KIF19: variants seen among roughly 807,000 people sequenced by gnomAD.
KIF19 encodes kinesin-like protein KIF19.
A neutral mutation model predicts 106.6 loss-of-function variants in KIF19; 98 were observed. The observed-to-expected ratio is 0.92, with a 90% CI of 0.78 to 1.09. The LOEUF is 1.09. KIF19 is among the 50% of genes least tolerant of loss of function. KIF19 has a pLI of 0.00. For missense variants in KIF19, 1,373 were observed against 1,414.3 expected (o/e 0.97, Z 0.47); for synonymous variants, 516 against 584.2 (o/e 0.88, Z 1.68).
intron 6 of KIF19, 145 bp from the exon 7 acceptor site, chr17:74,344,616 C>A (rs958883688): frequency 2.1e-6 from 2 of 935,102 alleles, no homozygotes; most frequent in Non-Finnish European, 3.2e-6. Flanking sequence ...CCAGGCCTCT[C>A]AGCACACGGA....
intron 6 of KIF19, 43 bp from the exon 7 acceptor site, chr17:74,344,718 C>T: frequency 6.3e-7 from 1 of 1,576,352 alleles, no homozygotes; most frequent in Non-Finnish European, 8.7e-7. Flanking sequence ...GCCGGAGCAC[C>T]TACGGCAGTC....
chr17:74,342,735 A>G lies in KIF19; in HGVS notation c.319+18A>G, dbSNP rs2054415439. 6.2e-7 allele frequency: 1 copy of G among 1,607,512 alleles called. No homozygotes were observed. The highest frequency in any genetic ancestry group is 1.3e-5 in the African/African-American group (1 of 74,918). On this transcript the variant is annotated intron_variant, in intron 4 of 19. Coordinates refer to ENST00000389916, the MANE Select transcript of KIF19 (RefSeq NM_153209.4). ...CCCCACAGGTAAGGGGAATGCCCAG[A>G]CTGTGGGCGAGGACCGCAATGCCCC... is the stretch of plus-strand genomic sequence containing the variant.
In KIF19 at chr17:74,331,294, G is replaced by A. The variant is rs2054072243; in HGVS notation, c.120+2789G>A. Among the ~76,000 whole-genome samples, 1 of 152,160 alleles carries A rather than the reference G, an allele frequency of 6.6e-6. No individual in the cohort carries two copies. On this transcript the variant is annotated intron_variant, in intron 2 of 19. Coordinates refer to ENST00000389916, the MANE Select transcript of KIF19 (RefSeq NM_153209.4). This position sits in a 1 kb window ranked among gnomAD's most constrained non-coding sequence, Gnocchi z 4.1. ...GCTCTGTCCTTCCTCCTAAGGCCTG[G>A]AGGCACCATGGACAGGTGGGTGTAT...
In KIF19 at chr17:74,354,696, C is replaced by T. The variant is rs1274806822; in HGVS notation, c.2707-86C>T. The T allele has an allele frequency of 1.8e-5, 28 of 1,523,934 alleles. No homozygotes were observed. The African/African-American group carries it at 2.5e-4, about 13-fold the overall frequency. 94.4% of individuals were successfully genotyped at this position (1,523,934 alleles called of 1,614,324 possible). On this transcript the variant is annotated intron_variant, in intron 18 of 19. Transcript: ENST00000389916. ...GGCACCACCCTCCACAGTCTCTGTC[C>T]CCAGCCTAGCATAGTAGCTGGGACA...
rs992700455 is a variant in KIF19, at chr17:74,353,274, C to T, written c.2193C>T (p.Ile731=). 2 of 1,577,764 alleles carry T rather than the reference C, an allele frequency of 1.3e-6. No individual in the cohort carries two copies. Among genetic ancestry groups the T allele is most frequent in the African/African-American group, 1.3e-5 (1 of 74,170 alleles). Residue 731 remains isoleucine, a synonymous_variant, in exon 16 of 20, where the codon ATC becomes ATT. Transcript: ENST00000389916. ...CCTCTGTGCCCACCCCACCTCCCAT[C>T]CAGCTCGGCAGCCTGGTGACGCAGG... The part of the protein sequence containing the change: ...KSSSVPTPPP[I]QLGSLVTQEA...
chr17:74,351,025 A>C, intron 12 of KIF19, 120 bp downstream of exon 12: 1 of 969,930 alleles, frequency 1.0e-6, no homozygotes, highest in Non-Finnish European at 1.6e-6. Context: ...TCAGGCCACA[A>C]ATCCTGTGTG....
intron 9 of KIF19, 137 bp downstream of exon 9, chr17:74,348,036 A>T: frequency 9.2e-7 from 1 of 1,081,998 alleles, no homozygotes; most frequent in Admixed American, 2.5e-5. Flanking sequence ...GTTGATCGTC[A>T]CCTGTACACT....
intron 19 of KIF19, 56 bp from the exon 20 acceptor site, chr17:74,355,124 GGA>G (rs1350117025): frequency 6.4e-7 from 1 of 1,553,758 alleles, no homozygotes; most frequent in Non-Finnish European, 8.7e-7. Flanking sequence ...CTGGGTGATG[GGA>G]GAGGAGTTGG....
In KIF19 at chr17:74,350,551, C is replaced by T; in HGVS notation, c.1364C>T (p.Ser455Phe). The change falls in exon 11 of 20, where the codon TCC becomes TTC. Residue 455 changes from serine to phenylalanine, a missense_variant. Ser to Phe is a radical substitution (Grantham distance 155). Around this residue, in one of 3 missense-constraint regions of KIF19, gnomAD observed 1,020 missense variants for 1,008.2 expected, o/e 1.01. Coordinates refer to ENST00000389916, the MANE Select transcript of KIF19 (RefSeq NM_153209.4). ...NRAMEVQIDT[S>F]RHLLTIAGWK... ...GCCATGGAGGTCCAGATTGACACCT[C>T]CCGACACCTGCTCACCATCGCCGGG... 6.2e-7 allele frequency: 1 copy of T among 1,612,982 alleles called. No homozygotes were observed. The highest frequency in any genetic ancestry group is 1.1e-5 in the South Asian group (1 of 91,038).
In KIF19 at chr17:74,355,541, C is replaced by CTCCCTGGCT; in HGVS notation, c.*234_*242dup. The stretch of plus-strand genomic sequence containing the variant: ...AGGGGACATGGCCAGGACGGCTGGG[C>CTCCCTGGCT]TCCCTGGCTTCCCAGCCCTGGACAG... On this transcript the variant is annotated 3_prime_UTR_variant, in exon 20 of 20. Transcript: ENST00000389916. 2.0e-6 allele frequency: 1 copy of CTCCCTGGCT among 508,584 alleles called. No homozygotes were observed. The highest frequency in any genetic ancestry group is 3.3e-6 in the Non-Finnish European group (1 of 303,146). The allele number at this position is 508,584 out of a possible 1,614,324, so 31.5% of individuals were successfully genotyped here.
intron 2 of KIF19, among the ~76,000 whole-genome samples, chr17:74,335,517 G>A (rs879666326): frequency 6.6e-6 from 1 of 152,210 alleles, no homozygotes; most frequent in Non-Finnish European, 1.5e-5. Context: ...CTTCCCTACG[G>A]GATCTTGAGT....
rs1436737630 is a variant in KIF19 at position 74,344,244 on chromosome 17, G to A, written c.478G>A (p.Asp160Asn). The change falls in exon 6 of 20, where the codon GAC becomes AAC. Residue 160 changes from aspartate to asparagine, a missense_variant. By Grantham distance (23) the Asp-to-Asn change is conservative (BLOSUM62 1). This residue lies in a region of KIF19 where 348 missense variants were observed against 389.5 expected (regional missense o/e 0.89). Coordinates refer to ENST00000389916, the MANE Select transcript of KIF19 (RefSeq NM_153209.4). ...TCAGATCTACAATGAGATGATCCGG[G>A]ACCTGCTGAACCCCTCCCTGGGCTA... ...YLEIYNEMIRDLLNPSLGYLE... is the reference protein window; with the variant it reads ...YLEIYNEMIRNLLNPSLGYLE... The A allele has an allele frequency of 6.2e-7, 1 of 1,612,932 alleles. No homozygotes were observed. Among genetic ancestry groups the A allele is most frequent in the Non-Finnish European group, 8.5e-7 (1 of 1,179,704 alleles).
chr17:74,352,452 C>T, intron 14 of KIF19, 112 bp downstream of exon 14: 1 of 1,349,548 alleles, frequency 7.4e-7, no homozygotes, highest in East Asian at 2.5e-5. Flanking sequence ...CTGGCTGGCA[C>T]CCCAGGGAGT....
chr17:74,328,373 G>A, intron 1 of KIF19, 52 bp from the exon 2 acceptor site: 3 of 1,530,690 alleles, frequency 2.0e-6, no homozygotes, highest in Non-Finnish European at 2.7e-6. Context: ...TCTCTCTGAG[G>A]CCCAGCATGG....
intron 2 of KIF19, among the ~76,000 whole-genome samples, chr17:74,335,449 C>A (rs1339703455): frequency 6.6e-6 from 1 of 152,236 alleles, no homozygotes; most frequent in Non-Finnish European, 1.5e-5. Flanking sequence ...TGAGCCTGGT[C>A]CCCCGATAGG....
intron 2 of KIF19, among the ~76,000 whole-genome samples, 177 bp from the exon 3 acceptor site, chr17:74,341,699 G>GGCCCCTCCCATCTCTT (rs1454148857): frequency 9.2e-5 from 14 of 152,280 alleles, no homozygotes; most frequent in Admixed American, 7.8e-4. Flanking sequence ...TCCGGCCTCT[G>GGCCCCTCCCATCTCTT]GCCCCTCCCA....
chr17:74,342,119 G>A (rs1598384296), intron 3 of KIF19, 133 bp downstream of exon 3: 2 of 673,252 alleles, frequency 3.0e-6, no homozygotes, highest in East Asian at 2.6e-5. Flanking sequence ...TGTTCCTTGA[G>A]CCTTCCCCAT....
At chr17:74,354,596 C>G in intron 18 of KIF19, 37 bp downstream of exon 18, 1 of 1,564,100 alleles carries the variant, frequency 6.4e-7, no homozygotes, top group Admixed American at 1.9e-5. Context: ...CTAGGCACTC[C>G]CATAGCAGCT....
At position 74,343,020 on chromosome 17, in the gene KIF19, C is replaced by A; in HGVS notation, c.320-4C>A. 6.2e-7 allele frequency: 1 copy of A among 1,600,722 alleles called. No homozygotes were observed. The highest frequency in any genetic ancestry group is 1.1e-5 in the South Asian group (1 of 89,002). ...CGGTCACCCTCCACCTTGTTCTGCC[C>A]CAGGCTGTGGGAAAACCTACACCAT... On this transcript the variant is annotated splice_polypyrimidine_tract_variant and splice_region_variant and intron_variant, in intron 4 of 19. Transcript: ENST00000389916.
Sources: gnomAD v4.1 joint callset for allele counts (sites outside exome capture counted in the v4.1 genomes callset) on GRCh38, gnomAD v4.1.1 for gene constraint, gnomAD v4.1.1 regional missense constraint, Gnocchi (gnomAD v3.1) non-coding constraint, MANE v1.5 for transcripts, NCBI Gene and HGNC (gene_info 2026-07-23, HGNC 2026-07-21) for gene names.